SLC9A9: variants seen among roughly 807,000 people sequenced by gnomAD.
The protein encoded by SLC9A9 is sodium/hydrogen exchanger 9.
In SLC9A9, 62 loss-of-function variants were observed where a neutral mutation model predicts 77.8. That is an observed-to-expected ratio of 0.80 (90% CI 0.65 to 0.98). SLC9A9 has a LOEUF of 0.98. Among genes scored for constraint, SLC9A9 ranks in the 50% least tolerant of loss-of-function variants. SLC9A9 has a pLI of 0.00. For missense variants in SLC9A9, 775 were observed against 774.9 expected, an observed-to-expected ratio of 1.00 and a Z score of 0.00; for synonymous variants, 320 against 283.5, an observed-to-expected ratio of 1.13 and a Z score of -1.29.
At chr3:143,743,514 C>T (rs1935134304) in intron 4 of SLC9A9, among the ~76,000 whole-genome samples, 1 of 152,088 alleles carries the variant, frequency 6.6e-6, no homozygotes, top group Non-Finnish European at 1.5e-5. Context: ...TTTTGATGTC[C>T]AAAGGTGGGG....
At chr3:143,271,148 ATG>A (rs1002055945) in intron 14 of SLC9A9, among the ~76,000 whole-genome samples, 2 of 152,206 alleles carry the variant, frequency 1.3e-5, no homozygotes, top group African/African-American at 4.8e-5. Context: ...AGTTTAGCAT[ATG>A]TGAGGTTTCA....
chr3:143,487,876 A>G (rs2035678151), intron 11 of SLC9A9, among the ~76,000 whole-genome samples: 1 of 151,850 alleles, frequency 6.6e-6, no homozygotes. Context: ...GAGCTAGAAG[A>G]AAGGAAAGAA....
At chr3:143,310,081 T>C (rs2030959365) in intron 14 of SLC9A9, among the ~76,000 whole-genome samples, 1 of 152,188 alleles carries the variant, frequency 6.6e-6, no homozygotes, top group South Asian at 2.1e-4. Context: ...AAGACTGTGA[T>C]TTTATAATTT....
intron 12 of SLC9A9, among the ~76,000 whole-genome samples, chr3:143,443,045 A>G (rs2034776156): frequency 6.6e-6 from 1 of 152,164 alleles, no homozygotes; most frequent in Admixed American, 6.5e-5. Context: ...GACTCCATTT[A>G]CAGCCTCTGG....
chr3:143,652,387 G>T (rs923990622), intron 5 of SLC9A9, 27 bp from the exon 6 acceptor site: 27 of 1,580,052 alleles, frequency 1.7e-5, no homozygotes, highest in African/African-American at 2.7e-5. Flanking sequence ...AAACATGCAG[G>T]TTAGCTTGGA....
intron 8 of SLC9A9, among the ~76,000 whole-genome samples, chr3:143,570,921 G>A (rs2037246394): frequency 6.6e-6 from 1 of 152,042 alleles, no homozygotes; most frequent in Non-Finnish European, 1.5e-5. Flanking sequence ...ATTTTCTACA[G>A]TGAGTATGGA....
At chr3:143,803,328 T>A (rs1211588618) in intron 2 of SLC9A9, among the ~76,000 whole-genome samples, 1 of 152,198 alleles carries the variant, frequency 6.6e-6, no homozygotes, top group Non-Finnish European at 1.5e-5. Flanking sequence ...GGCCTGTTCA[T>A]CCTTATCCTA....
chr3:143,500,082 C>T (rs772800234), intron 9 of SLC9A9, among the ~76,000 whole-genome samples: 1 of 151,782 alleles, frequency 6.6e-6, no homozygotes, highest in Non-Finnish European at 1.5e-5. Context: ...TGTTCTCTTC[C>T]TTAAATGCTT....
chr3:143,781,170 A>G (rs149668035), intron 4 of SLC9A9, among the ~76,000 whole-genome samples: 164 of 152,348 alleles, frequency 1.1e-3, no homozygotes, highest in African/African-American at 3.8e-3. Flanking sequence ...CACTATTTGC[A>G]TTGCACATTC....
chr3:143,660,251 G>A (rs2038958988), intron 5 of SLC9A9, among the ~76,000 whole-genome samples: 1 of 152,216 alleles, frequency 6.6e-6, no homozygotes, highest in Non-Finnish European at 1.5e-5. Flanking sequence ...TAGTCAGAGA[G>A]ATGTAGCTGA....
intron 12 of SLC9A9, among the ~76,000 whole-genome samples, chr3:143,398,782 C>G (rs77596133): frequency 0.064 from 9,679 of 152,134 alleles, 474 homozygotes; most frequent in African/African-American, 0.14. Flanking sequence ...TAATATATCA[C>G]TAAAATTAAA....
intron 4 of SLC9A9, among the ~76,000 whole-genome samples, chr3:143,753,095 T>C (rs2006796071): frequency 6.6e-6 from 1 of 152,184 alleles, no homozygotes; most frequent in South Asian, 2.1e-4. Flanking sequence ...TATTTGAAGT[T>C]CAGACCTTCA....
At chr3:143,694,303 C>T (rs560037170) in intron 4 of SLC9A9, among the ~76,000 whole-genome samples, 49 of 151,996 alleles carry the variant, frequency 3.2e-4, no homozygotes, top group Admixed American at 5.3e-4. Context: ...TCAGACCTAC[C>T]GGCATTTAAA....
At chr3:143,269,650 C>T (rs1242830496) in intron 14 of SLC9A9, among the ~76,000 whole-genome samples, 1 of 152,198 alleles carries the variant, frequency 6.6e-6, no homozygotes, top group Non-Finnish European at 1.5e-5. Flanking sequence ...ATAATGAAAT[C>T]CCCAGAGCTG....
chr3:143,587,739 G>A (rs2037567303), intron 6 of SLC9A9, among the ~76,000 whole-genome samples: 1 of 152,232 alleles, frequency 6.6e-6, no homozygotes, highest in African/African-American at 2.4e-5. Flanking sequence ...AGGAAGGTGG[G>A]TGGGAGACAA....
intron 11 of SLC9A9, among the ~76,000 whole-genome samples, chr3:143,469,459 A>C (rs1199056803): frequency 2.0e-5 from 3 of 152,232 alleles, no homozygotes; most frequent in African/African-American, 7.2e-5. Flanking sequence ...TAAAATCTCA[A>C]TGATCCACTT....
chr3:143,637,790 A>G (rs2038550476), intron 6 of SLC9A9, among the ~76,000 whole-genome samples: 1 of 152,178 alleles, frequency 6.6e-6, no homozygotes, highest in Non-Finnish European at 1.5e-5. Flanking sequence ...TTGGTATAAA[A>G]CTAGTAAATA....
At chr3:143,516,389 T>A (rs986863583) in intron 9 of SLC9A9, among the ~76,000 whole-genome samples, 1 of 152,160 alleles carries the variant, frequency 6.6e-6, no homozygotes, top group African/African-American at 2.4e-5. Flanking sequence ...CTGCATTGTT[T>A]GGATTTGTTC....
intron 6 of SLC9A9, among the ~76,000 whole-genome samples, chr3:143,644,340 A>C (rs2038669201): frequency 6.6e-6 from 1 of 152,254 alleles, no homozygotes; most frequent in Admixed American, 6.5e-5. Context: ...TTTGTCACGC[A>C]TGACTTGACA....
Sources: gnomAD v4.1 joint callset for allele counts (sites outside exome capture counted in the v4.1 genomes callset) on GRCh38, gnomAD v4.1.1 for gene constraint, MANE v1.5 for transcripts, NCBI Gene and HGNC (gene_info 2026-07-23, HGNC 2026-07-21) for gene names.